PARD6G: variants seen among roughly 807,000 people sequenced by gnomAD.
The protein encoded by PARD6G is par-6 family cell polarity regulator gamma.
Under a neutral mutation model 10.7 loss-of-function variants are expected in PARD6G, and 7 were observed. The ratio of observed to expected loss-of-function variants is 0.66; its 90% CI spans 0.37 to 1.23. The LOEUF (loss-of-function observed/expected upper bound fraction) is 1.23, where lower values mean the gene tolerates loss of function less well. Ranked by LOEUF, PARD6G falls within the 50% of genes most tolerant of loss-of-function variation. The pLI is 0.02. For synonymous variants in PARD6G, 287 were observed against 269.4 expected, an observed-to-expected ratio of 1.07 and a Z score of -0.64; for missense variants, 548 against 571.8, an observed-to-expected ratio of 0.96 and a Z score of 0.42.
chr18:80,222,435 A>C (rs1967242122), intron 1 of PARD6G, among the ~76,000 whole-genome samples: 1 of 152,194 alleles, frequency 6.6e-6, no homozygotes, highest in African/African-American at 2.4e-5. Flanking sequence ...AAATTGATCT[A>C]CAGATTCAAT....
At chr18:80,208,281 A>G (rs1412397662) in intron 1 of PARD6G, among the ~76,000 whole-genome samples, 2 of 152,222 alleles carry the variant, frequency 1.3e-5, no homozygotes, top group Non-Finnish European at 2.9e-5. Context: ...TTAAAAATAT[A>G]TCATCCCCTT....
In PARD6G at chr18:80,246,163, G is replaced by A. The variant is rs902026151; in HGVS notation, c.72+1114C>T. On this transcript the variant is annotated intron_variant, in intron 1 of 2. Transcript: ENST00000353265. This position sits in a 1 kb window ranked among gnomAD's most constrained non-coding sequence, Gnocchi z 6.7. ...TAGGGGTGCGGGCTCCCACTCCGCC[G>A]TTAGGAGCCTTTCCCACAACTCTGA... Among the ~76,000 whole-genome samples, 4 of 152,152 alleles carry A rather than the reference G, an allele frequency of 2.6e-5. No individual in the cohort carries two copies. The highest frequency in any genetic ancestry group is 9.6e-5 in the African/African-American group (4 of 41,504).
In PARD6G at chr18:80,247,501, T is replaced by C. The variant is rs1480109293; in HGVS notation, c.-153A>G. 4 of 256,662 alleles carry C rather than the reference T, an allele frequency of 1.6e-5. No homozygotes were observed. Among genetic ancestry groups the C allele is most frequent in the Non-Finnish European group, 1.8e-5 (3 of 163,910 alleles). The allele number at this position is 256,662 out of a possible 1,614,324, so 15.9% of individuals were successfully genotyped here. On this transcript the variant is annotated 5_prime_UTR_variant, in exon 1 of 3. Transcript: ENST00000353265. The surrounding 1 kb of genome is among the most constrained non-coding windows in gnomAD (Gnocchi z 4.2). ...CCGGTGCTGCGGGCCCGAGCTGGGCTGGCCGCGCGCCTCAGGGACTCCAGG... is the reference window on the plus strand; with the variant it reads ...CCGGTGCTGCGGGCCCGAGCTGGGCCGGCCGCGCGCCTCAGGGACTCCAGG...
Position 80,209,639 on chromosome 18 carries a change from T to C in PARD6G, c.73-6707A>G, listed in dbSNP as rs930245522. On this transcript the variant is annotated intron_variant, in intron 1 of 2. Coordinates refer to ENST00000353265, the MANE Select transcript of PARD6G (RefSeq NM_032510.4). ...CAGCCTGGGCAACATGGGGAAACCA[T>C]GTCTCTACAGAAAAGTACAAAAATT... is the stretch of plus-strand genomic sequence containing the variant. Among the ~76,000 whole-genome samples, 3 of 152,066 alleles carry C rather than the reference T, an allele frequency of 2.0e-5. 1 individual carries two copies. Among genetic ancestry groups the C allele is most frequent in the Non-Finnish European group, 4.4e-5 (3 of 68,000 alleles).
chr18:80,234,635 T>C (rs986607966), intron 1 of PARD6G, among the ~76,000 whole-genome samples: 6 of 151,968 alleles, frequency 3.9e-5, no homozygotes, highest in Admixed American at 2.6e-4. Flanking sequence ...TAGTGGGGCA[T>C]GGTGGTGTGC....
intron 2 of PARD6G, among the ~76,000 whole-genome samples, chr18:80,197,797 C>G (rs368848213): frequency 7.2e-5 from 11 of 152,338 alleles, no homozygotes; most frequent in South Asian, 4.1e-4. Flanking sequence ...GCCAGCTTCC[C>G]AAAACATTCC....
At chr18:80,206,429 T>G (rs923563265) in intron 1 of PARD6G, among the ~76,000 whole-genome samples, 1 of 152,230 alleles carries the variant, frequency 6.6e-6, no homozygotes, top group African/African-American at 2.4e-5. Context: ...TACTTCTTGG[T>G]AAAGTCCTTC....
chr18:80,178,938 GA>G (rs2052832219), intron 2 of PARD6G, among the ~76,000 whole-genome samples: 2 of 152,218 alleles, frequency 1.3e-5, no homozygotes, highest in Admixed American at 6.5e-5. Context: ...GAGACAGGCA[GA>G]AGAACTCACT....
chr18:80,168,311 A>C (rs762222966), intron 2 of PARD6G, among the ~76,000 whole-genome samples: 2 of 152,218 alleles, frequency 1.3e-5, no homozygotes, highest in East Asian at 1.9e-4. Context: ...TTAAATATGA[A>C]CCCTTGCATA....
intron 1 of PARD6G, among the ~76,000 whole-genome samples, chr18:80,229,294 A>G (rs907541026): frequency 1.3e-5 from 2 of 152,204 alleles, no homozygotes; most frequent in Admixed American, 1.3e-4. Context: ...AATATAGTAA[A>G]TTTAAAAACA....
At chr18:80,213,916 CCACTG>C (rs1385321122) in intron 1 of PARD6G, among the ~76,000 whole-genome samples, 10 of 147,192 alleles carry the variant, frequency 6.8e-5, no homozygotes, top group African/African-American at 2.3e-4. Context: ...CGAGATCATG[CCACTG>C]CACTCCAAGA....
At chr18:80,218,151 C>T (rs886235923) in intron 1 of PARD6G, among the ~76,000 whole-genome samples, 3 of 152,252 alleles carry the variant, frequency 2.0e-5, no homozygotes, top group South Asian at 4.1e-4. Context: ...CATGTCCTCA[C>T]ATTTCTAAAC....
chr18:80,224,575 C>T (rs577453531), intron 1 of PARD6G, among the ~76,000 whole-genome samples: 11 of 152,280 alleles, frequency 7.2e-5, no homozygotes, highest in East Asian at 3.9e-4. Context: ...AGGCCGGGTG[C>T]GGTGGCTCAC....
chr18:80,207,590 T>G (rs1248360333), intron 1 of PARD6G, among the ~76,000 whole-genome samples: 1 of 152,232 alleles, frequency 6.6e-6, no homozygotes, highest in Admixed American at 6.5e-5. Flanking sequence ...AACAATCTAT[T>G]TCATTTATAA....
chr18:80,195,550 T>TAC (rs1056099357), intron 2 of PARD6G, among the ~76,000 whole-genome samples: 3 of 89,324 alleles, frequency 3.4e-5, no homozygotes, highest in South Asian at 3.4e-4. Flanking sequence ...CAAAGATACA[T>TAC]ATATATATAT....
rs1306941692 is a variant in PARD6G at position 80,192,363 on chromosome 18, GC to G, written c.295+10346del. On this transcript the variant is annotated intron_variant, in intron 2 of 2. Coordinates refer to ENST00000353265, the MANE Select transcript of PARD6G (RefSeq NM_032510.4). The surrounding 1 kb of genome is among the most constrained non-coding windows in gnomAD (Gnocchi z 4.9). ...CACTTGGGAGCAGATCTGTTTTGGA[GC>G]CCTTAGGTGAGGCCTCAACTGAATG... Among the ~76,000 whole-genome samples the G allele has an allele frequency of 6.6e-6, 1 of 152,200 alleles. No homozygotes were observed. Among genetic ancestry groups the G allele is most frequent in the East Asian group, 1.9e-4 (1 of 5,188 alleles).
rs916215018 is a variant in PARD6G at position 80,158,121 on chromosome 18, A to G, written c.*1650T>C. 1 of 152,242 alleles carries G rather than the reference A, an allele frequency of 6.6e-6. No homozygotes were observed. The highest frequency in any genetic ancestry group is 6.5e-5 in the Admixed American group (1 of 15,292). 9.4% of individuals were successfully genotyped at this position (152,242 alleles called of 1,614,324 possible). On this transcript the variant is annotated 3_prime_UTR_variant, in exon 3 of 3. Coordinates refer to ENST00000353265, the MANE Select transcript of PARD6G (RefSeq NM_032510.4). ...AAATAGGAATTTTTAAAATTACTAA[A>G]TATATAAACGTTGCTGGAAGATCAA...
chr18:80,181,317 C>A lies in PARD6G; in HGVS notation c.296-20711G>T, dbSNP rs1353597839. 6.6e-6 allele frequency among the ~76,000 whole-genome samples: 1 copy of A among 152,172 alleles called. No homozygotes were observed. Among genetic ancestry groups the A allele is most frequent in the Non-Finnish European group, 1.5e-5 (1 of 68,018 alleles). ...CAGCCAAGTCAGCCGATGTCCCCAG[C>A]TGGGATGTCTGCGGAAGCTGTGGTC... On this transcript the variant is annotated intron_variant, in intron 2 of 2. Coordinates refer to ENST00000353265, the MANE Select transcript of PARD6G (RefSeq NM_032510.4). The surrounding 1 kb of genome is among the most constrained non-coding windows in gnomAD (Gnocchi z 7.9).
intron 2 of PARD6G, among the ~76,000 whole-genome samples, chr18:80,176,787 C>A (rs1034566651): frequency 2.0e-5 from 3 of 152,280 alleles, no homozygotes; most frequent in African/African-American, 7.2e-5. Flanking sequence ...GGTGCCGCGG[C>A]GGCCACAGGC....
Sources: gnomAD v4.1 joint callset for allele counts (sites outside exome capture counted in the v4.1 genomes callset) on GRCh38, gnomAD v4.1.1 for gene constraint, Gnocchi (gnomAD v3.1) non-coding constraint, MANE v1.5 for transcripts, NCBI Gene and HGNC (gene_info 2026-07-23, HGNC 2026-07-21) for gene names.